The following BANK1 variants were observed in gnomAD, a reference collection of about 807,000 sequenced individuals.
The protein encoded by BANK1 is B cell scaffold protein with ankyrin repeats 1.
BANK1 carries 95 observed loss-of-function variants against 94.5 expected under a neutral mutation model. The ratio of observed to expected loss-of-function variants is 1.00; its 90% confidence interval spans 0.85 to 1.19. The LOEUF is 1.19. BANK1 is among the 50% of genes most tolerant of loss of function. The pLI is 0.00. For missense variants in BANK1, 987 were observed against 932.2 expected (o/e 1.06, Z -0.77); for synonymous variants, 334 against 308.4 (o/e 1.08, Z -0.87).
At chr4:101,851,784 A>G (rs1374581799) in intron 2 of BANK1, among the ~76,000 whole-genome samples, 1 of 152,174 alleles carries the variant, frequency 6.6e-6, no homozygotes, top group Non-Finnish European at 1.5e-5. Context: ...TCCCTTATTC[A>G]GTCCCAGTAC....
intron 7 of BANK1, among the ~76,000 whole-genome samples, chr4:101,955,996 C>G (rs1006553981): frequency 1.3e-5 from 2 of 152,100 alleles, no homozygotes; most frequent in African/African-American, 4.8e-5. Context: ...CAGTAACTTT[C>G]AACCCAAAAA....
At chr4:101,964,092 G>C (rs978383271) in intron 7 of BANK1, among the ~76,000 whole-genome samples, 2 of 151,988 alleles carry the variant, frequency 1.3e-5, no homozygotes, top group Non-Finnish European at 2.9e-5. Flanking sequence ...AGCATGTAGT[G>C]CTGCTTCTTC....
At chr4:101,806,845 G>A (rs956892026) in intron 1 of BANK1, among the ~76,000 whole-genome samples, 1 of 151,996 alleles carries the variant, frequency 6.6e-6, no homozygotes, top group Non-Finnish European at 1.5e-5. Context: ...CTCAATTCAG[G>A]GGATACACAA....
rs1274673366 is a variant in BANK1 at position 101,915,647 on chromosome 4, A to G, written c.1010-2346A>G. On this transcript the variant is annotated intron_variant, in intron 6 of 16. Coordinates refer to ENST00000322953, the MANE Select transcript of BANK1 (RefSeq NM_017935.5). ...CAACAGTTAATGAGGTAGATTCAAT[A>G]TTGAGTTTAATAGTAAAGTATGTAT... is the stretch of plus-strand genomic sequence containing the variant. 3.9e-5 allele frequency among the ~76,000 whole-genome samples: 6 copies of G among 152,144 alleles called. No homozygotes were observed. The East Asian group carries it at 1.2e-3, about 29-fold the overall frequency.
At chr4:102,022,529 C>T (rs1333041058) in intron 8 of BANK1, among the ~76,000 whole-genome samples, 2 of 152,132 alleles carry the variant, frequency 1.3e-5, no homozygotes, top group African/African-American at 4.8e-5. Context: ...GGGTCATTGT[C>T]ACTTCCTACA....
chr4:102,048,431 A>G (rs1727950879), intron 11 of BANK1, among the ~76,000 whole-genome samples: 2 of 152,158 alleles, frequency 1.3e-5, no homozygotes, highest in African/African-American at 2.4e-5. Context: ...AGATATTATG[A>G]TCATTCAGTC....
At position 101,906,872 on chromosome 4, in the gene BANK1, T is replaced by C. The variant is rs567089691; in HGVS notation, c.1010-11121T>C. 3.3e-4 allele frequency among the ~76,000 whole-genome samples: 50 copies of C among 152,280 alleles called. No individual in the cohort carries two copies. In the East Asian group the frequency reaches 6.2e-3, roughly 19 times the overall value. On this transcript the variant is annotated intron_variant, in intron 6 of 16. Coordinates refer to ENST00000322953, the MANE Select transcript of BANK1 (RefSeq NM_017935.5). The stretch of plus-strand genomic sequence containing the variant: ...ACGCCACTTGCCAAGACCACCTCAG[T>C]TGGGGAGACCCTAACCCAGTGGCAC...
intron 6 of BANK1, among the ~76,000 whole-genome samples, chr4:101,907,683 A>G (rs565924108): frequency 1.1e-3 from 168 of 152,344 alleles, no homozygotes; most frequent in Middle Eastern, 0.01. Context: ...AATCTCCTTA[A>G]GCTGATAAGC....
intron 8 of BANK1, among the ~76,000 whole-genome samples, chr4:102,022,491 T>C (rs1237966479): frequency 6.6e-6 from 1 of 152,198 alleles, no homozygotes; most frequent in Non-Finnish European, 1.5e-5. Context: ...TCCCCTTGTT[T>C]ACTGCAATAA....
chr4:101,851,689 A>T (rs1354509206), intron 2 of BANK1, among the ~76,000 whole-genome samples: 4 of 152,206 alleles, frequency 2.6e-5, no homozygotes, highest in Non-Finnish European at 5.9e-5. Flanking sequence ...CCTTGGAAAA[A>T]AATTGCTGGA....
chr4:101,855,492 G>T (rs1288059645), intron 3 of BANK1, among the ~76,000 whole-genome samples: 3 of 152,192 alleles, frequency 2.0e-5, no homozygotes, highest in African/African-American at 7.2e-5. Flanking sequence ...CAATTAGCAG[G>T]CATTTGATAC....
In BANK1 at chr4:101,841,509, T is replaced by G. The variant is rs985193725; in HGVS notation, c.469+11303T>G. Among the ~76,000 whole-genome samples, 16 of 152,160 alleles carry G rather than the reference T, an allele frequency of 1.1e-4. No homozygotes were observed. In the South Asian group the frequency reaches 1.5e-3, roughly 14 times the overall value. On this transcript the variant is annotated intron_variant, in intron 2 of 16. Transcript: ENST00000322953. ...AGATGATATATTGACAACTATTCCA[T>G]GGGAAATGAAAATCTCACTGAAATC... is the stretch of plus-strand genomic sequence containing the variant.
intron 13 of BANK1, among the ~76,000 whole-genome samples, chr4:102,065,590 C>T (rs1047039925): frequency 1.3e-4 from 19 of 151,748 alleles, no homozygotes; most frequent in African/African-American, 3.9e-4. Flanking sequence ...AAACTATAGA[C>T]GGAACCTGAG....
chr4:102,018,232 G>A (rs1726779714), intron 7 of BANK1, among the ~76,000 whole-genome samples: 1 of 151,970 alleles, frequency 6.6e-6, no homozygotes, highest in African/African-American at 2.4e-5. Flanking sequence ...CTTCAGCCTA[G>A]TACATTTATT....
At chr4:102,003,810 C>CTT (rs1267665286) in intron 7 of BANK1, among the ~76,000 whole-genome samples, 1 of 151,386 alleles carries the variant, frequency 6.6e-6, no homozygotes, top group East Asian at 1.9e-4. Flanking sequence ...ATATATTTCA[C>CTT]ATGCATATAT....
intron 7 of BANK1, among the ~76,000 whole-genome samples, chr4:101,989,537 A>G (rs1725630281): frequency 6.6e-6 from 1 of 152,034 alleles, no homozygotes; most frequent in South Asian, 2.1e-4. Flanking sequence ...ACTTATTTCA[A>G]TTTTGTCAAT....
chr4:102,029,506 T>C (rs1225933122), intron 9 of BANK1, among the ~76,000 whole-genome samples: 3 of 148,682 alleles, frequency 2.0e-5, no homozygotes, highest in Non-Finnish European at 3.0e-5. Flanking sequence ...ATTCTTTATA[T>C]GTAAAAGTAT....
At chr4:101,938,693 A>C (rs948622963) in intron 7 of BANK1, among the ~76,000 whole-genome samples, 4 of 151,690 alleles carry the variant, frequency 2.6e-5, no homozygotes, top group African/African-American at 9.7e-5. Flanking sequence ...GGAGAACTTC[A>C]GTCCATAAAA....
intron 3 of BANK1, among the ~76,000 whole-genome samples, chr4:101,861,921 T>C (rs1412456717): frequency 6.6e-6 from 1 of 152,126 alleles, no homozygotes; most frequent in Non-Finnish European, 1.5e-5. Flanking sequence ...TCCATCTTAA[T>C]TAAATCTAGA....
Sources: gnomAD v4.1 joint callset for allele counts (sites outside exome capture counted in the v4.1 genomes callset) on GRCh38, gnomAD v4.1.1 for gene constraint, MANE v1.5 for transcripts, NCBI Gene and HGNC (gene_info 2026-07-23, HGNC 2026-07-21) for gene names.